Variants in WDR20 observed in about 807,000 individuals in gnomAD.
The protein encoded by WDR20 is WD repeat domain 20.
Under a neutral mutation model 38.7 loss-of-function variants are expected in WDR20, and 3 were observed. The ratio of observed to expected loss-of-function variants is 0.08; its 90% CI spans 0.04 to 0.20. WDR20 has a LOEUF of 0.20. Ranked by LOEUF, WDR20 falls within the 10% of genes least tolerant of loss-of-function variation. The pLI is 1.00. For synonymous variants in WDR20, 298 were observed against 285.6 expected, an observed-to-expected ratio of 1.04 and a Z score of -0.44; for missense variants, 559 against 727.7, an observed-to-expected ratio of 0.77 and a Z score of 2.67.
intron 1 of WDR20, chr14:102,193,591 C>T: frequency 4.1e-6 from 6 of 1,450,154 alleles, no homozygotes; most frequent in Non-Finnish European, 4.7e-6. Flanking sequence ...CTTGTTACCG[C>T]TCAGGTCCAG....
At chr14:102,224,739 C>G (rs1429378817), downstream of WDR20, 2 of 455,996 alleles carry the variant, frequency 4.4e-6, no homozygotes, top group Admixed American at 2.3e-5. Context: ...CTGCCCCACT[C>G]GAAGGCGCCA....
chr14:102,193,008 A>G (rs901857697), intron 1 of WDR20, among the ~76,000 whole-genome samples: 2 of 152,208 alleles, frequency 1.3e-5, no homozygotes, highest in African/African-American at 4.8e-5. Context: ...TAAAAAAAAA[A>G]AAAGTCTCAA....
rs577688004 is a variant in WDR20 at position 102,199,625 on chromosome 14, C to T, written c.432+4505C>T. Among the ~76,000 whole-genome samples, 83 of 152,274 alleles carry T rather than the reference C, an allele frequency of 5.5e-4. No individual in the cohort carries two copies. In the South Asian group the frequency reaches 0.017, roughly 31 times the overall value. ...CTGTTACCACACGTGCACACACCTT[C>T]ACACACCGAATCCCCAGCATCAGTT... On this transcript the variant is annotated intron_variant, in intron 2 of 2. Coordinates refer to ENST00000342702, the MANE Select transcript of WDR20 (RefSeq NM_144574.4).
At chr14:102,196,649 G>T (rs180775655) in intron 2 of WDR20, among the ~76,000 whole-genome samples, 4 of 151,500 alleles carry the variant, frequency 2.6e-5, no homozygotes, top group Non-Finnish European at 5.9e-5. Context: ...TTTGTGTGTC[G>T]TGGCAGGGGG....
chr14:102,197,405 A>G (rs1388712233), intron 2 of WDR20, among the ~76,000 whole-genome samples: 1 of 152,192 alleles, frequency 6.6e-6, no homozygotes. Flanking sequence ...ATGCATTTTA[A>G]AGTTTTTTAA....
At position 102,187,077 on chromosome 14, in the gene WDR20, T is replaced by G. The variant is rs564229309; in HGVS notation, c.250-7861T>G. Among the ~76,000 whole-genome samples the G allele has an allele frequency of 2.7e-3, 413 of 152,314 alleles. 11 individuals carry two copies. Among genetic ancestry groups the G allele is most frequent in the Non-Finnish European group, 5.7e-4 (39 of 68,040 alleles). On this transcript the variant is annotated intron_variant, in intron 1 of 2. Coordinates refer to ENST00000342702, the MANE Select transcript of WDR20 (RefSeq NM_144574.4). ...TTCTTTTCTAGTAGGTGATCCTTTG[T>G]GGCCCTTGGAAGTAATTTCTTGGCC... is the stretch of plus-strand genomic sequence containing the variant.
At chr14:102,201,896 G>A (rs149764996) in intron 2 of WDR20, among the ~76,000 whole-genome samples, 8 of 152,260 alleles carry the variant, frequency 5.3e-5, no homozygotes, top group Non-Finnish European at 8.8e-5. Flanking sequence ...TCCTCGCTGA[G>A]CACCTGCCCT....
downstream of WDR20, chr14:102,214,533 G>A (rs928352485): frequency 2.0e-6 from 2 of 985,270 alleles, no homozygotes; most frequent in South Asian, 9.4e-5. Context: ...TCTGTTACAC[G>A]AACTTCGTGT....
In WDR20 at chr14:102,163,840, A is replaced by G. The variant is rs116800255; in HGVS notation, c.249+23668A>G. ...CTGGTGTCCTGGAGAAAATGCTTGC[A>G]CTCTCCCTTCCAGAAGCAGGTGGCT... On this transcript the variant is annotated intron_variant, in intron 1 of 2. Transcript: ENST00000342702. Among the ~76,000 whole-genome samples the G allele has an allele frequency of 7.5e-3, 1,134 of 151,472 alleles. 20 individuals are homozygous for G. Among genetic ancestry groups the G allele is most frequent in the African/African-American group, 0.026 (1,061 of 41,194 alleles).
intron 1 of WDR20, among the ~76,000 whole-genome samples, chr14:102,153,495 A>G (rs1002513950): frequency 2.6e-5 from 4 of 151,722 alleles, no homozygotes; most frequent in African/African-American, 9.7e-5. Flanking sequence ...TTTAGTAGAG[A>G]TGGGGTTTCA....
intron 2 of WDR20, among the ~76,000 whole-genome samples, chr14:102,204,301 C>T (rs2061103317): frequency 6.6e-6 from 1 of 152,174 alleles, no homozygotes; most frequent in Admixed American, 6.5e-5. Context: ...GTCTTTCTGT[C>T]CTTCTGTCTT....
intron 1 of WDR20, among the ~76,000 whole-genome samples, chr14:102,162,827 G>C (rs759661759): frequency 6.6e-6 from 1 of 152,104 alleles, no homozygotes; most frequent in Non-Finnish European, 1.5e-5. Flanking sequence ...GCCCAGGCTG[G>C]TCTTGAATTA....
At chr14:102,200,990 G>A (rs1394824674) in intron 2 of WDR20, among the ~76,000 whole-genome samples, 1 of 152,184 alleles carries the variant, frequency 6.6e-6, no homozygotes, top group African/African-American at 2.4e-5. Context: ...GCAGTGTTCT[G>A]TCTATTCTGA....
rs974238907 is a variant in WDR20 at position 102,222,093 on chromosome 14, C to T, written c.1693-737C>T. On this transcript the variant is annotated intron_variant, in intron 3 of 3. Transcript: ENST00000335263. This position sits in a 1 kb window ranked among gnomAD's most constrained non-coding sequence, Gnocchi z 4.4. ...AAATCTGGGTGAGATTCCCCGCCCC[C>T]GCCCCCGACAGTGAGCCTCTCAGCA... 2.6e-5 allele frequency among the ~76,000 whole-genome samples: 4 copies of T among 151,810 alleles called. No individual in the cohort carries two copies. The highest frequency in any genetic ancestry group is 7.3e-5 in the African/African-American group (3 of 41,282).
At position 102,164,316 on chromosome 14, in the gene WDR20, G is replaced by A. The variant is rs138017282; in HGVS notation, c.249+24144G>A. Among the ~76,000 whole-genome samples the A allele has an allele frequency of 7.3e-3, 1,115 of 151,714 alleles. 5 individuals carry two copies. Among genetic ancestry groups the A allele is most frequent in the Non-Finnish European group, 0.011 (751 of 67,966 alleles). On this transcript the variant is annotated intron_variant, in intron 1 of 2. Transcript: ENST00000342702. ...AGCCTTCCTTTCCACTCCAGTTCCC[G>A]CCATCATCTTGGGTGGTTTCATCTT...
intron 1 of WDR20, among the ~76,000 whole-genome samples, chr14:102,178,160 G>A (rs1182648693): frequency 6.6e-6 from 1 of 152,136 alleles, no homozygotes; most frequent in African/African-American, 2.4e-5. Flanking sequence ...GGGAGGCTGA[G>A]GTGGGTGGAT....
At position 102,220,815 on chromosome 14, in the gene WDR20, C is replaced by T. The variant is rs926748123; in HGVS notation, c.1693-2015C>T. ...TGAGACAGGGTCTTGCTCTATCCCC[C>T]AGGCTGGAGTGCAGTGGATCGCGGC... On this transcript the variant is annotated intron_variant, in intron 3 of 3. Transcript: ENST00000335263. The surrounding 1 kb of genome is among the most constrained non-coding windows in gnomAD (Gnocchi z 4.2). 5.3e-5 allele frequency among the ~76,000 whole-genome samples: 8 copies of T among 152,194 alleles called. No homozygotes were observed. Among genetic ancestry groups the T allele is most frequent in the African/African-American group, 1.4e-4 (6 of 41,444 alleles).
intron 2 of WDR20, among the ~76,000 whole-genome samples, chr14:102,199,917 G>A (rs2060012150): frequency 6.6e-6 from 1 of 152,142 alleles, no homozygotes; most frequent in African/African-American, 2.4e-5. Context: ...CCTCTAAACC[G>A]TGACGCTCAC....
rs990197046 is a variant in WDR20, at chr14:102,222,122, G to C, written c.1693-708G>C. Among the ~76,000 whole-genome samples the C allele has an allele frequency of 1.3e-5, 2 of 150,710 alleles. No homozygotes were observed. The highest frequency in any genetic ancestry group is 4.9e-5 in the African/African-American group (2 of 40,828). The stretch of plus-strand genomic sequence containing the variant: ...CCCGACAGTGAGCCTCTCAGCAGGA[G>C]CCGCCCTAAAGAGCCAGATGCCCCC... On this transcript the variant is annotated intron_variant, in intron 3 of 3. Coordinates refer to the WDR20 transcript ENST00000335263. The surrounding 1 kb of genome is among the most constrained non-coding windows in gnomAD (Gnocchi z 4.4).
Sources: gnomAD v4.1 joint callset for allele counts (sites outside exome capture counted in the v4.1 genomes callset) on GRCh38, gnomAD v4.1.1 for gene constraint, Gnocchi (gnomAD v3.1) non-coding constraint, MANE v1.5 for transcripts, NCBI Gene and HGNC (gene_info 2026-07-23, HGNC 2026-07-21) for gene names.